The following FMN2 variants were observed in gnomAD, a reference collection of about 807,000 sequenced individuals.
FMN2 encodes the protein formin 2, also known as formin-2.
FMN2 carries 51 observed loss-of-function variants against 142.3 expected under a neutral mutation model. The ratio of observed to expected loss-of-function variants is 0.36; its 90% confidence interval spans 0.29 to 0.45. The LOEUF (loss-of-function observed/expected upper bound fraction) is 0.45. Among genes scored for constraint, FMN2 ranks in the 20% least tolerant of loss-of-function variants. The pLI is 1.00. For missense variants in FMN2, 1,936 were observed against 2,122.8 expected (o/e 0.91, Z 1.73); for synonymous variants, 882 against 869.8 (o/e 1.01, Z -0.25).
At chr1:240,106,669 C>T (rs944263482) in intron 1 of FMN2, among the ~76,000 whole-genome samples, 1 of 151,978 alleles carries the variant, frequency 6.6e-6, no homozygotes, top group Non-Finnish European at 1.5e-5. Context: ...CTCATCCCCT[C>T]CTTTCCAGGA....
At chr1:240,324,592 C>T (rs1211473057) in intron 8 of FMN2, among the ~76,000 whole-genome samples, 2 of 148,274 alleles carry the variant, frequency 1.3e-5, no homozygotes, top group Non-Finnish European at 3.0e-5. Flanking sequence ...ACCTGGGAGG[C>T]AGAGGTTGTA....
chr1:240,413,248 A>G (rs1201720532), intron 15 of FMN2, among the ~76,000 whole-genome samples: 1 of 150,616 alleles, frequency 6.6e-6, no homozygotes, highest in East Asian at 2.0e-4. Context: ...TGAAGTTGGT[A>G]GAGCTAGTCA....
chr1:240,356,404 G>T (rs948669578), intron 14 of FMN2, among the ~76,000 whole-genome samples: 3 of 152,022 alleles, frequency 2.0e-5, no homozygotes, highest in Admixed American at 1.3e-4. Context: ...AATACCTCTG[G>T]ATATTCAACA....
chr1:240,313,755 G>T (rs1447240383), intron 8 of FMN2, among the ~76,000 whole-genome samples: 2 of 152,072 alleles, frequency 1.3e-5, no homozygotes, highest in African/African-American at 4.8e-5. Context: ...ATCACTTGAG[G>T]TCAGGAGTTC....
Position 240,279,460 on chromosome 1 carries a change from C to T in FMN2, c.4154-15362C>T, listed in dbSNP as rs1226386366. 2.0e-5 allele frequency among the ~76,000 whole-genome samples: 3 copies of T among 152,052 alleles called. No individual in the cohort carries two copies. The East Asian group carries it at 5.8e-4, about 29-fold the overall frequency. On this transcript the variant is annotated intron_variant, in intron 7 of 17. Transcript: ENST00000319653. ...TTTGTGAAGACATCACTGTAAGAAG[C>T]AGGTGGTACTTACTGAACTCTGGAG...
chr1:240,191,952 TCA>T (rs1436733133), intron 4 of FMN2, among the ~76,000 whole-genome samples: 1 of 152,162 alleles, frequency 6.6e-6, no homozygotes, highest in African/African-American at 2.4e-5. Context: ...TTATCAATAG[TCA>T]CATCTATTAC....
intron 4 of FMN2, among the ~76,000 whole-genome samples, chr1:240,205,863 C>T (rs1666329877): frequency 6.6e-6 from 1 of 150,498 alleles, no homozygotes; most frequent in Admixed American, 6.6e-5. Context: ...CAGAGTGCCC[C>T]ATATGTTGGC....
chr1:240,101,113 C>G (rs572603571), intron 1 of FMN2, among the ~76,000 whole-genome samples: 1 of 152,118 alleles, frequency 6.6e-6, no homozygotes, highest in Non-Finnish European at 1.5e-5. Context: ...TTCCCTTTTC[C>G]GTTTTACCAC....
At chr1:240,206,756 C>T in intron 4 of FMN2, 43 bp from the exon 5 acceptor site, 2 of 1,554,964 alleles carry the variant, frequency 1.3e-6, no homozygotes, top group South Asian at 2.4e-5. Context: ...TTGCATTTTT[C>T]CTTATTTCAT....
At chr1:240,413,120 C>CAAAAAAAAAAAAAA (rs35590068) in intron 15 of FMN2, among the ~76,000 whole-genome samples, 4 of 24,582 alleles carry the variant, frequency 1.6e-4, no homozygotes, top group Non-Finnish European at 3.1e-4. Context: ...GAGACTCTGT[C>CAAAAAAAAAAAAAA]AAAAAAAAAA....
At chr1:240,464,446 C>T (rs1676548073) in intron 16 of FMN2, among the ~76,000 whole-genome samples, 1 of 151,832 alleles carries the variant, frequency 6.6e-6, no homozygotes, top group South Asian at 2.1e-4. Context: ...ATATACCCGA[C>T]AAAAAAATGG....
intron 16 of FMN2, among the ~76,000 whole-genome samples, chr1:240,455,110 A>G (rs1260247787): frequency 6.6e-6 from 1 of 152,150 alleles, no homozygotes; most frequent in Admixed American, 6.6e-5. Flanking sequence ...TGTCCCAGAC[A>G]TTCAAATGAG....
At chr1:240,191,016 A>T (rs1300703592) in intron 4 of FMN2, among the ~76,000 whole-genome samples, 1 of 152,110 alleles carries the variant, frequency 6.6e-6, no homozygotes, top group African/African-American at 2.4e-5. Context: ...GAGAGGTTTG[A>T]AGGCAGTTTT....
chr1:240,326,582 C>T (rs545404278), intron 8 of FMN2, among the ~76,000 whole-genome samples: 4 of 152,184 alleles, frequency 2.6e-5, no homozygotes, highest in South Asian at 4.2e-4. Context: ...TTACTGTGTC[C>T]ATGGAGTAGG....
At chr1:240,285,793 C>T (rs535236605) in intron 7 of FMN2, among the ~76,000 whole-genome samples, 1 of 152,160 alleles carries the variant, frequency 6.6e-6, no homozygotes, top group Non-Finnish European at 1.5e-5. Context: ...AGAGCAAAGA[C>T]TTGATGAGTG....
intron 3 of FMN2, chr1:240,180,300 G>C: frequency 1.9e-6 from 1 of 517,262 alleles, no homozygotes; most frequent in Admixed American, 4.1e-5. Flanking sequence ...CTTCTGTTGT[G>C]ACTCCCTGAC....
At chr1:240,179,990 C>T (rs1040775054) in intron 3 of FMN2, among the ~76,000 whole-genome samples, 2 of 152,048 alleles carry the variant, frequency 1.3e-5, no homozygotes, top group African/African-American at 4.8e-5. Context: ...GCACTTGACT[C>T]GAAGTTAATT....
intron 2 of FMN2, among the ~76,000 whole-genome samples, chr1:240,146,090 G>A (rs1663455844): frequency 6.6e-6 from 1 of 151,914 alleles, no homozygotes; most frequent in African/African-American, 2.4e-5. Context: ...TAAAAAAATA[G>A]TATGGCTGGG....
rs57065226 is a variant in FMN2 at position 240,459,717 on chromosome 1, T to TAAAAAAAAAAAA, written c.5061-12628_5061-12617dup. On this transcript the variant is annotated intron_variant, in intron 16 of 17. Coordinates refer to ENST00000319653, the MANE Select transcript of FMN2 (RefSeq NM_020066.5). Reference sequence around the variant, plus strand: ...GGGTGACAGAACAAGACTCTGTCTCTAAAAAAAAAAAAAAAAAAAAAAAAA... The same window carrying TAAAAAAAAAAAA: ...GGGTGACAGAACAAGACTCTGTCTCTAAAAAAAAAAAAAAAAAAAAAAAAAAAAAAAAAAAAA... 2.7e-4 allele frequency among the ~76,000 whole-genome samples: 18 copies of TAAAAAAAAAAAA among 67,122 alleles called. 1 individual carries two copies. Among genetic ancestry groups the TAAAAAAAAAAAA allele is most frequent in the Non-Finnish European group, 3.9e-4 (13 of 33,490 alleles). 44.0% of individuals were successfully genotyped at this position (67,122 alleles called of 152,430 possible).
Sources: allele counts gnomAD v4.1 joint callset (sites outside exome capture counted in the v4.1 genomes callset), GRCh38; gene constraint gnomAD v4.1.1; transcripts MANE v1.5; gene names NCBI Gene and HGNC (gene_info 2026-07-23, HGNC 2026-07-21).